Variants in CACUL1 observed in about 807,000 individuals in gnomAD.
CACUL1 encodes CDK2 associated cullin domain 1.
A neutral mutation model predicts 45.2 loss-of-function variants in CACUL1; 13 were observed. The ratio of observed to expected loss-of-function variants is 0.29; its 90% CI spans 0.19 to 0.46. The LOEUF is 0.46. CACUL1 is among the 20% of genes least tolerant of loss of function. CACUL1 has a pLI of 1.00. For synonymous variants in CACUL1, 197 were observed against 174.2 expected (o/e 1.13, Z -1.03); for missense variants, 421 against 471.4 (o/e 0.89, Z 0.99).
chr10:118,708,903 G>T (rs1180751798), intron 3 of CACUL1, among the ~76,000 whole-genome samples: 1 of 152,170 alleles, frequency 6.6e-6, no homozygotes, highest in Admixed American at 6.5e-5. Context: ...AAGCCACCCA[G>T]TCTATAGTAC....
At chr10:118,706,336 C>A (rs758017793) in intron 4 of CACUL1, among the ~76,000 whole-genome samples, 20 of 152,178 alleles carry the variant, frequency 1.3e-4, no homozygotes, top group Non-Finnish European at 2.6e-4. Flanking sequence ...TGCTTCCATA[C>A]CTGGTCTCTA....
At chr10:118,714,879 T>C (rs951282823) in intron 3 of CACUL1, among the ~76,000 whole-genome samples, 1 of 152,248 alleles carries the variant, frequency 6.6e-6, no homozygotes, top group Non-Finnish European at 1.5e-5. Context: ...CACCAGCGTC[T>C]ATCCATCATT....
chr10:118,737,031 T>A (rs1290718520), intron 1 of CACUL1, among the ~76,000 whole-genome samples: 8 of 151,404 alleles, frequency 5.3e-5, no homozygotes, highest in African/African-American at 1.7e-4. Flanking sequence ...TCCCACAGTG[T>A]ACAAAATCGC....
At chr10:118,748,775 C>T (rs1886900) in intron 1 of CACUL1, among the ~76,000 whole-genome samples, 115,199 of 152,030 alleles carry the variant, frequency 0.76, 43,825 homozygotes, top group Non-Finnish European at 0.8. Flanking sequence ...CAACCTGTAA[C>T]AGTAATAGGC....
At position 118,680,655 on chromosome 10, in the gene CACUL1, A is replaced by C. The variant is rs1217666741; in HGVS notation, c.*5473T>G. 1 of 152,264 alleles carries C rather than the reference A, an allele frequency of 6.6e-6. No homozygotes were observed. Among genetic ancestry groups the C allele is most frequent in the Non-Finnish European group, 1.5e-5 (1 of 68,050 alleles). 9.4% of individuals were successfully genotyped at this position (152,264 alleles called of 1,614,324 possible). A position where few individuals can be genotyped will look rare whatever the true frequency, so the allele number is the denominator to read the frequency against. ...GTCCAAAAGTTGATTAAAGGTCCAC[A>C]GAAGAAACTGTACAGTGTTTAAAAA... On this transcript the variant is annotated 3_prime_UTR_variant, in exon 9 of 9. Coordinates refer to ENST00000369151, the MANE Select transcript of CACUL1 (RefSeq NM_153810.5).
In CACUL1 at chr10:118,685,903, G is replaced by A. The variant is rs1205639220; in HGVS notation, c.*225C>T. ...GAATCTGTAGATAAACTCATTAAAA[G>A]ATTGTCCCATTTCAAAATCACCCCC... On this transcript the variant is annotated 3_prime_UTR_variant, in exon 9 of 9. Coordinates refer to ENST00000369151, the MANE Select transcript of CACUL1 (RefSeq NM_153810.5). 2.7e-6 allele frequency: 1 copy of A among 373,834 alleles called. No homozygotes were observed. Among genetic ancestry groups the A allele is most frequent in the Non-Finnish European group, 4.8e-6 (1 of 208,700 alleles). The allele number at this position is 373,834 out of a possible 1,614,324, so 23.2% of individuals were successfully genotyped here.
intron 3 of CACUL1, among the ~76,000 whole-genome samples, chr10:118,715,198 C>T (rs1470789162): frequency 5.9e-5 from 9 of 151,918 alleles, no homozygotes. Context: ...TGCGAAATAC[C>T]ACTAAAAATA....
At chr10:118,703,831 C>A (rs1451076374) in intron 4 of CACUL1, among the ~76,000 whole-genome samples, 2 of 151,276 alleles carry the variant, frequency 1.3e-5, no homozygotes, top group Non-Finnish European at 3.0e-5. Flanking sequence ...TGTTTATAAT[C>A]TTTTTTTTCT....
intron 1 of CACUL1, among the ~76,000 whole-genome samples, chr10:118,746,898 G>C (rs1845847974): frequency 6.6e-6 from 1 of 152,132 alleles, no homozygotes. Context: ...TCTAGAACAG[G>C]GGTCCCCAAC....
intron 3 of CACUL1, among the ~76,000 whole-genome samples, chr10:118,719,341 T>A (rs1845579147): frequency 6.6e-6 from 1 of 152,182 alleles, no homozygotes; most frequent in African/African-American, 2.4e-5. Flanking sequence ...TTTCTTTTTC[T>A]AAAAATCTGC....
chr10:118,706,478 A>C (rs1845433404), intron 4 of CACUL1, among the ~76,000 whole-genome samples: 1 of 152,206 alleles, frequency 6.6e-6, no homozygotes, highest in Non-Finnish European at 1.5e-5. Context: ...AAAATGATAC[A>C]ATGTAACTAC....
rs1315830422 is a variant in CACUL1 at position 118,677,003 on chromosome 10, A to T, written c.*9125T>A. 1 of 151,870 alleles carries T rather than the reference A, an allele frequency of 6.6e-6. No homozygotes were observed. The highest frequency in any genetic ancestry group is 2.4e-5 in the African/African-American group (1 of 41,334). The allele number at this position is 151,870 out of a possible 1,614,324, so 9.4% of individuals were successfully genotyped here. ...AATACTACTTTCTAGTTTTTACAAC[A>T]TTTTTTTCTTTTTTAGTTCACAATC... is the stretch of plus-strand genomic sequence containing the variant. On this transcript the variant is annotated 3_prime_UTR_variant, in exon 9 of 9. Coordinates refer to ENST00000369151, the MANE Select transcript of CACUL1 (RefSeq NM_153810.5).
chr10:118,715,008 A>G (rs1439347756), intron 3 of CACUL1, among the ~76,000 whole-genome samples: 9 of 152,228 alleles, frequency 5.9e-5, no homozygotes, highest in Admixed American at 1.3e-4. Flanking sequence ...ATCAGAGGTC[A>G]TATTGATAGC....
chr10:118,704,756 G>T (rs974688269), intron 4 of CACUL1, among the ~76,000 whole-genome samples: 2 of 152,200 alleles, frequency 1.3e-5, no homozygotes, highest in Non-Finnish European at 2.9e-5. Flanking sequence ...GACACAAGGT[G>T]GGGGTGGGGG....
At chr10:118,728,500 A>G (rs1845672271) in intron 3 of CACUL1, among the ~76,000 whole-genome samples, 1 of 152,126 alleles carries the variant, frequency 6.6e-6, no homozygotes, top group Non-Finnish European at 1.5e-5. Flanking sequence ...CATGTTGGCC[A>G]GGATGGTCTC....
chr10:118,680,494 G>GAGAT lies in CACUL1; in HGVS notation c.*5630_*5633dup, dbSNP rs1237961823. ...TACTGTAGGAAAGGACACCTCTACA[G>GAGAT]AGATAGCAAGAGAAACTAAAACCTT... On this transcript the variant is annotated 3_prime_UTR_variant, in exon 9 of 9. Coordinates refer to ENST00000369151, the MANE Select transcript of CACUL1 (RefSeq NM_153810.5). 2 of 152,180 alleles carry GAGAT rather than the reference G, an allele frequency of 1.3e-5. No homozygotes were observed. The highest frequency in any genetic ancestry group is 6.5e-5 in the Admixed American group (1 of 15,276). The allele number at this position is 152,180 out of a possible 1,614,324, so 9.4% of individuals were successfully genotyped here.
chr10:118,738,918 C>G (rs892413697), intron 1 of CACUL1, among the ~76,000 whole-genome samples: 73 of 87,328 alleles, frequency 8.4e-4, no homozygotes, highest in Non-Finnish European at 1.5e-3. Flanking sequence ...AAAAAAAAGC[C>G]TGGGCGCTGT....
chr10:118,740,850 C>T (rs1435212871), intron 1 of CACUL1, among the ~76,000 whole-genome samples: 1 of 150,084 alleles, frequency 6.7e-6, no homozygotes, highest in Non-Finnish European at 1.5e-5. Context: ...AGCGTGAACC[C>T]GGGAGACGGA....
rs989274028 is a variant in CACUL1, at chr10:118,678,104, G to A, written c.*8024C>T. The stretch of plus-strand genomic sequence containing the variant: ...GGCTGAACATCTTTTCACATTTATG[G>A]GCCATTTCTGTTTCTTCTGTGAAAT... On this transcript the variant is annotated 3_prime_UTR_variant, in exon 9 of 9. Transcript: ENST00000369151. 2.6e-5 allele frequency: 4 copies of A among 152,114 alleles called. No individual in the cohort carries two copies. The highest frequency in any genetic ancestry group is 2.9e-5 in the Non-Finnish European group (2 of 68,018). The allele number at this position is 152,114 out of a possible 1,614,324, so 9.4% of individuals were successfully genotyped here.
Sources: allele counts gnomAD v4.1 joint callset (sites outside exome capture counted in the v4.1 genomes callset), GRCh38; gene constraint gnomAD v4.1.1; transcripts MANE v1.5; gene names NCBI Gene and HGNC (gene_info 2026-07-23, HGNC 2026-07-21).